The following ASCC3 variants were observed in gnomAD, a reference collection of about 807,000 sequenced individuals.
ASCC3 encodes activating signal cointegrator 1 complex subunit 3.
A neutral mutation model predicts 256.3 loss-of-function variants in ASCC3; 158 were observed. The ratio of observed to expected loss-of-function variants is 0.62; its 90% confidence interval spans 0.54 to 0.70. ASCC3 has a LOEUF of 0.70. Ranked by LOEUF, ASCC3 falls within the 30% of genes least tolerant of loss-of-function variation. ASCC3 has a pLI of 0.00. For synonymous variants in ASCC3, 948 were observed against 883.4 expected (o/e 1.07, Z -1.30); for missense variants, 2,259 against 2,626.0 (o/e 0.86, Z 3.05).
chr6:100,530,680 A>G (rs1774825272), intron 37 of ASCC3: 3 of 906,794 alleles, frequency 3.3e-6, no homozygotes, highest in Non-Finnish European at 5.6e-6. Context: ...GACAGCATAG[A>G]AAAACTAAAG....
At chr6:100,867,636 C>T (rs1027661109) in intron 2 of ASCC3, among the ~76,000 whole-genome samples, 1 of 151,728 alleles carries the variant, frequency 6.6e-6, no homozygotes, top group African/African-American at 2.4e-5. Context: ...AAGTTACAAA[C>T]GTAACTGTGG....
chr6:100,705,669 G>A (rs1337500723), intron 13 of ASCC3, among the ~76,000 whole-genome samples: 1 of 151,782 alleles, frequency 6.6e-6, no homozygotes, highest in African/African-American at 2.4e-5. Flanking sequence ...GGGGAAGAAG[G>A]GGCAGGCAGC....
In ASCC3 at chr6:100,678,282, C is replaced by G. The variant is rs942713417; in HGVS notation, c.2286+1336G>C. Among the ~76,000 whole-genome samples, 25 of 152,168 alleles carry G rather than the reference C, an allele frequency of 1.6e-4. No individual in the cohort carries two copies. In the South Asian group the frequency reaches 3.1e-3, roughly 19 times the overall value. On this transcript the variant is annotated intron_variant, in intron 14 of 41. Transcript: ENST00000369162. The stretch of plus-strand genomic sequence containing the variant: ...TTAAACAGCATAGAGTTGTTTTGTA[C>G]TTCCAAAGAAATGAAACAAGACTTA...
At chr6:100,565,800 C>A (rs549272267) in intron 36 of ASCC3, among the ~76,000 whole-genome samples, 21 of 152,282 alleles carry the variant, frequency 1.4e-4, no homozygotes, top group African/African-American at 5.1e-4. Flanking sequence ...ATAGCAACCA[C>A]TTTATATCTC....
chr6:100,557,630 C>G (rs565516882), intron 36 of ASCC3, among the ~76,000 whole-genome samples: 1 of 151,028 alleles, frequency 6.6e-6, no homozygotes, highest in South Asian at 2.1e-4. Context: ...CTTTTCCCAA[C>G]CCTTCACTTT....
At chr6:100,800,218 T>A (rs112322459) in intron 6 of ASCC3, 82 bp downstream of exon 6, 2 of 1,467,348 alleles carry the variant, frequency 1.4e-6, no homozygotes, top group African/African-American at 1.4e-5. Flanking sequence ...TCTATACTGC[T>A]AAGACTAAAC....
chr6:100,532,388 A>G (rs1427189285), intron 37 of ASCC3, among the ~76,000 whole-genome samples: 2 of 36,586 alleles, frequency 5.5e-5, no homozygotes, highest in East Asian at 2.6e-3. Flanking sequence ...GTATATATAT[A>G]TATATATATA....
intron 36 of ASCC3, among the ~76,000 whole-genome samples, chr6:100,571,966 T>C (rs1328694400): frequency 2.6e-5 from 4 of 152,230 alleles, no homozygotes; most frequent in Non-Finnish European, 5.9e-5. Context: ...TGTGGCAATA[T>C]ACACAAATGG....
chr6:100,828,110 GA>G (rs1332054750), intron 4 of ASCC3, among the ~76,000 whole-genome samples: 5 of 75,540 alleles, frequency 6.6e-5, no homozygotes, highest in East Asian at 8.3e-4. Context: ...AAAAAAAAAC[GA>G]AAAAAAGCTT....
At chr6:100,771,840 A>C (rs1331612539) in intron 8 of ASCC3, among the ~76,000 whole-genome samples, 1 of 150,984 alleles carries the variant, frequency 6.6e-6, no homozygotes, top group Non-Finnish European at 1.5e-5. Flanking sequence ...CTACATGTAC[A>C]ATCACTTTAA....
chr6:100,642,301 C>A (rs1345556356), intron 24 of ASCC3, among the ~76,000 whole-genome samples: 1 of 151,680 alleles, frequency 6.6e-6, no homozygotes, highest in Non-Finnish European at 1.5e-5. Flanking sequence ...TGTAGAAACA[C>A]AAAAGATGGG....
rs201147133 is a variant in ASCC3, at chr6:100,864,191, T to C, written c.114A>G (p.Glu38=). 11 of 1,605,450 alleles carry C rather than the reference T, an allele frequency of 6.9e-6. No individual in the cohort carries two copies. In the East Asian group the frequency reaches 2.0e-4, roughly 29 times the overall value. ...DLKIKRSKLH[E]QVLDLGLTWK... Reference sequence around the variant, plus strand: ...ATGTCAGGCCCAAATCTAAAACTTGTTCATGAAGTTTAGATCGCTTTATCT... The same window carrying C: ...ATGTCAGGCCCAAATCTAAAACTTGCTCATGAAGTTTAGATCGCTTTATCT... Residue 38 remains glutamate (E), a synonymous_variant, in exon 3 of 42, where the codon GAA becomes GAG. Transcript: ENST00000369162.
At chr6:100,800,236 T>C in intron 6 of ASCC3, 64 bp downstream of exon 6, 1 of 1,534,440 alleles carries the variant, frequency 6.5e-7, no homozygotes, top group Non-Finnish European at 9.0e-7. Context: ...AACTAAAAAG[T>C]GATAATGATA....
At chr6:100,822,750 A>G (rs1249128704) in intron 4 of ASCC3, among the ~76,000 whole-genome samples, 1 of 152,128 alleles carries the variant, frequency 6.6e-6, no homozygotes, top group African/African-American at 2.4e-5. Context: ...CTCTATATAC[A>G]GCATGAACTG....
intron 36 of ASCC3, among the ~76,000 whole-genome samples, chr6:100,587,890 G>T (rs1214517708): frequency 2.6e-5 from 4 of 151,800 alleles, no homozygotes; most frequent in African/African-American, 4.8e-5. Context: ...GGATTTTAAG[G>T]TTTTTTTTGG....
chr6:100,589,618 T>C lies in ASCC3; in HGVS notation c.5550+16A>G, dbSNP rs780912206. ...CTAAATTAAAAGAGAAGATATGAAA[T>C]ATATGAAAAACTCACACTTAGAATT... On this transcript the variant is annotated intron_variant, in intron 36 of 41. Transcript: ENST00000369162. 6.2e-6 allele frequency: 10 copies of C among 1,612,724 alleles called. No homozygotes were observed. The highest frequency in any genetic ancestry group is 8.5e-6 in the Non-Finnish European group (10 of 1,179,546).
chr6:100,746,610 C>T (rs1780693833), intron 10 of ASCC3, among the ~76,000 whole-genome samples: 1 of 151,996 alleles, frequency 6.6e-6, no homozygotes, highest in African/African-American at 2.4e-5. Flanking sequence ...TCACTATTTG[C>T]ACTTTTATAA....
chr6:100,726,948 G>C lies in ASCC3; in HGVS notation c.1738-1245C>G, dbSNP rs369496834. ...TGTCCACTGGGAAAATGGCATAGTT[G>C]AGATGCTTATAAACCACGATTATGC... On this transcript the variant is annotated intron_variant, in intron 10 of 41. Coordinates refer to ENST00000369162, the MANE Select transcript of ASCC3 (RefSeq NM_006828.4). Among the ~76,000 whole-genome samples, 11 of 152,114 alleles carry C rather than the reference G, an allele frequency of 7.2e-5. No individual in the cohort carries two copies. In the East Asian group the frequency reaches 1.7e-3, roughly 24 times the overall value.
At chr6:100,736,377 C>G (rs937477148) in intron 10 of ASCC3, among the ~76,000 whole-genome samples, 1 of 152,050 alleles carries the variant, frequency 6.6e-6, no homozygotes, top group South Asian at 2.1e-4. Context: ...TGGCACATGC[C>G]TGTAATCCCA....
Sources: gnomAD v4.1 joint callset for allele counts (sites outside exome capture counted in the v4.1 genomes callset) on GRCh38, gnomAD v4.1.1 for gene constraint, MANE v1.5 for transcripts, NCBI Gene and HGNC (gene_info 2026-07-23, HGNC 2026-07-21) for gene names.